ALMS1: variants seen among roughly 807,000 people sequenced by gnomAD.
ALMS1 encodes centrosome-associated protein ALMS1.
In ALMS1, 271 loss-of-function variants were observed where a neutral mutation model predicts 352.2. The observed-to-expected ratio is 0.77, with a 90% confidence interval of 0.70 to 0.85. ALMS1 has a LOEUF of 0.85. Ranked by LOEUF, ALMS1 falls within the 40% of genes least tolerant of loss-of-function variation. The probability of loss-of-function intolerance (pLI) is 0.00; values close to 1 mark genes in which losing one functional copy is unlikely to be tolerated. For missense variants in ALMS1, 5,445 were observed against 4,870.7 expected (o/e 1.12, Z -3.51); for synonymous variants, 1,865 against 1,761.2 (o/e 1.06, Z -1.48).
chr2:73,419,038 C>T (rs922185433), intron 2 of ALMS1, 85 bp from the exon 3 acceptor site: 30 of 1,121,338 alleles, frequency 2.7e-5, no homozygotes, highest in Non-Finnish European at 3.9e-5. Flanking sequence ...CTATATAATA[C>T]ATGAGTGGAC....
At chr2:73,435,885 C>G (rs1671595912) in intron 7 of ALMS1, among the ~76,000 whole-genome samples, 1 of 152,174 alleles carries the variant, frequency 6.6e-6, no homozygotes, top group South Asian at 2.1e-4. Context: ...AGCCACCATG[C>G]CAGCCTGCTT....
At chr2:73,493,307 T>G (rs1401627782) in intron 10 of ALMS1, among the ~76,000 whole-genome samples, 1 of 151,120 alleles carries the variant, frequency 6.6e-6, no homozygotes, top group Non-Finnish European at 1.5e-5. Context: ...CATTTGAACC[T>G]AGGTTTATCA....
intron 21 of ALMS1, among the ~76,000 whole-genome samples, chr2:73,605,853 A>G (rs1392336854): frequency 6.6e-6 from 1 of 152,116 alleles, no homozygotes; most frequent in Non-Finnish European, 1.5e-5. Context: ...CAAAAAAAAA[A>G]AAAGAAAGAA....
chr2:73,567,591 C>T (rs555716910), intron 15 of ALMS1, among the ~76,000 whole-genome samples: 2 of 152,302 alleles, frequency 1.3e-5, no homozygotes, highest in Non-Finnish European at 2.9e-5. Flanking sequence ...TACTTAAATA[C>T]AGTGGGCACT....
At chr2:73,415,147 C>G (rs575242528) in intron 2 of ALMS1, among the ~76,000 whole-genome samples, 6 of 152,142 alleles carry the variant, frequency 3.9e-5, no homozygotes, top group Non-Finnish European at 7.4e-5. Context: ...ATATGTTGTC[C>G]CTCCCCACAT....
chr2:73,428,861 A>G (rs1357582601), intron 6 of ALMS1, among the ~76,000 whole-genome samples: 2 of 152,088 alleles, frequency 1.3e-5, no homozygotes, highest in East Asian at 3.8e-4. Flanking sequence ...GTTTTTCCTT[A>G]TGCTCCTCAT....
chr2:73,576,813 G>C (rs184099092), intron 16 of ALMS1, among the ~76,000 whole-genome samples: 18 of 151,870 alleles, frequency 1.2e-4, no homozygotes, highest in African/African-American at 4.1e-4. Context: ...GTAGAGACAG[G>C]GTTTCACCAT....
chr2:73,558,525 T>G (rs186005239), intron 14 of ALMS1, among the ~76,000 whole-genome samples: 2 of 152,240 alleles, frequency 1.3e-5, no homozygotes, highest in Non-Finnish European at 2.9e-5. Context: ...CAAACAACTT[T>G]CTAACACTAG....
intron 12 of ALMS1, among the ~76,000 whole-genome samples, chr2:73,546,578 C>G (rs1263176832): frequency 6.6e-6 from 1 of 152,074 alleles, no homozygotes; most frequent in Non-Finnish European, 1.5e-5. Flanking sequence ...GTGATAAATG[C>G]TAAGAAAATA....
At chr2:73,592,828 G>A (rs1328889802) in intron 16 of ALMS1, among the ~76,000 whole-genome samples, 1 of 152,146 alleles carries the variant, frequency 6.6e-6, no homozygotes, top group Admixed American at 6.6e-5. Flanking sequence ...AAGCTAAAGA[G>A]TACTACAAAA....
chr2:73,511,554 A>T (rs1228394903), intron 10 of ALMS1, among the ~76,000 whole-genome samples: 1 of 152,042 alleles, frequency 6.6e-6, no homozygotes, highest in Non-Finnish European at 1.5e-5. Context: ...GAAATGCAGA[A>T]ATCACCTGCC....
chr2:73,599,830 T>C (rs1316839357), intron 17 of ALMS1, among the ~76,000 whole-genome samples: 2 of 152,222 alleles, frequency 1.3e-5, no homozygotes, highest in Non-Finnish European at 2.9e-5. Flanking sequence ...GCTATAGATA[T>C]ACTATGAATA....
At position 73,400,820 on chromosome 2, in the gene ALMS1, C is replaced by G. The variant is rs765405239; in HGVS notation, c.325-7802C>G. On this transcript the variant is annotated intron_variant, in intron 1 of 22. Coordinates refer to ENST00000613296, the MANE Select transcript of ALMS1 (RefSeq NM_001378454.1). Reference sequence around the variant, plus strand: ...TTCTTTTTTTTGAGACAGAGTCTTGCTGTGTCACCGAGGCAGGAGTGCAAT... The same window carrying G: ...TTCTTTTTTTTGAGACAGAGTCTTGGTGTGTCACCGAGGCAGGAGTGCAAT... Among the ~76,000 whole-genome samples the G allele has an allele frequency of 4.7e-4, 71 of 152,166 alleles. 1 individual carries two copies. Among genetic ancestry groups the G allele is most frequent in the Middle Eastern group, 6.8e-3 (2 of 294 alleles).
intron 15 of ALMS1, among the ~76,000 whole-genome samples, chr2:73,571,629 A>G (rs915602093): frequency 1.3e-5 from 2 of 152,174 alleles, no homozygotes; most frequent in African/African-American, 4.8e-5. Flanking sequence ...GGACGCAAAC[A>G]TTCAAACCAT....
chr2:73,496,279 G>A (rs779806056), intron 10 of ALMS1, among the ~76,000 whole-genome samples: 1 of 152,150 alleles, frequency 6.6e-6, no homozygotes, highest in African/African-American at 2.4e-5. Context: ...GGCAGTCCCT[G>A]GTCTGTATTC....
intron 1 of ALMS1, among the ~76,000 whole-genome samples, chr2:73,392,421 A>G (rs138370370): frequency 3.3e-5 from 5 of 152,212 alleles, no homozygotes; most frequent in African/African-American, 1.2e-4. Flanking sequence ...CATTTTCTGT[A>G]TATTCATAGA....
chr2:73,553,177 G>A (rs1253948884), intron 13 of ALMS1, among the ~76,000 whole-genome samples: 1 of 152,140 alleles, frequency 6.6e-6, no homozygotes, highest in Non-Finnish European at 1.5e-5. Context: ...TAAAGAAATG[G>A]AAATGAGACT....
intron 12 of ALMS1, among the ~76,000 whole-genome samples, chr2:73,549,926 C>G (rs1357177084): frequency 1.3e-5 from 2 of 152,176 alleles, no homozygotes; most frequent in Non-Finnish European, 2.9e-5. Context: ...GTGGCAACAT[C>G]TCTGCTCACT....
chr2:73,463,267 C>G (rs996525021), intron 9 of ALMS1, among the ~76,000 whole-genome samples: 3 of 152,180 alleles, frequency 2.0e-5, no homozygotes, highest in Non-Finnish European at 4.4e-5. Context: ...GACCACAGTG[C>G]AATCAAATTG....
Sources: gnomAD v4.1 joint callset for allele counts (sites outside exome capture counted in the v4.1 genomes callset) on GRCh38, gnomAD v4.1.1 for gene constraint, MANE v1.5 for transcripts, NCBI Gene and HGNC (gene_info 2026-07-23, HGNC 2026-07-21) for gene names.